PRKN: variants seen among roughly 807,000 people sequenced by gnomAD.
The protein encoded by PRKN is parkin RBR E3 ubiquitin protein ligase, also known as E3 ubiquitin-protein ligase parkin.
A neutral mutation model predicts 59.5 loss-of-function variants in PRKN; 56 were observed. The observed-to-expected ratio is 0.94, with a 90% confidence interval of 0.76 to 1.18. The LOEUF (loss-of-function observed/expected upper bound fraction) is 1.18, where lower values mean the gene tolerates loss of function less well. PRKN is among the 50% of genes most tolerant of loss of function. The probability of loss-of-function intolerance (pLI) is 0.00; values close to 1 mark genes in which losing one functional copy is unlikely to be tolerated. For missense variants in PRKN, 657 were observed against 596.4 expected (o/e 1.10, Z -1.06); for synonymous variants, 250 against 222.1 (o/e 1.13, Z -1.12).
intron 7 of PRKN, among the ~76,000 whole-genome samples, chr6:161,624,312 T>G (rs1199181674): frequency 6.6e-6 from 1 of 152,208 alleles, no homozygotes; most frequent in Non-Finnish European, 1.5e-5. Flanking sequence ...CTTAAAACTT[T>G]CCTGAAGACA....
intron 6 of PRKN, among the ~76,000 whole-genome samples, chr6:161,818,072 T>C (rs1411291726): frequency 1.3e-5 from 2 of 152,226 alleles, no homozygotes; most frequent in Non-Finnish European, 2.9e-5. Context: ...TTTATTACTC[T>C]GACGGCACAC....
intron 6 of PRKN, among the ~76,000 whole-genome samples, chr6:161,939,899 A>ATTCTCTTTT (rs1347708840): frequency 1.3e-5 from 2 of 151,826 alleles, no homozygotes; most frequent in African/African-American, 4.8e-5. Flanking sequence ...TAATGGAGTT[A>ATTCTCTTTT]TTCTCTTTTT....
At chr6:161,959,944 G>T (rs1462293762) in intron 6 of PRKN, among the ~76,000 whole-genome samples, 3 of 152,272 alleles carry the variant, frequency 2.0e-5, no homozygotes, top group Middle Eastern at 3.4e-3. Context: ...CTGTTCTTAT[G>T]ACCTCCATCC....
At position 162,528,178 on chromosome 6, in the gene PRKN, C is replaced by T. The variant is rs956457766; in HGVS notation, c.8-84705G>A. On this transcript the variant is annotated intron_variant, in intron 1 of 11. Coordinates refer to ENST00000366898, the MANE Select transcript of PRKN (RefSeq NM_004562.3). ...TCTACTAAAAATACAAAAAATTAGC[C>T]AGGCGTGGTGGTGGGTGCCTGTAAT... is the stretch of plus-strand genomic sequence containing the variant. Among the ~76,000 whole-genome samples, 9 of 151,914 alleles carry T rather than the reference C, an allele frequency of 5.9e-5. No individual in the cohort carries two copies. In the South Asian group the frequency reaches 1.0e-3, roughly 18 times the overall value.
chr6:161,881,948 T>G (rs996636689), intron 6 of PRKN, among the ~76,000 whole-genome samples: 3 of 152,124 alleles, frequency 2.0e-5, no homozygotes, highest in African/African-American at 7.2e-5. Context: ...AGTGGGAAAC[T>G]GAAACTGCCA....
chr6:161,441,245 G>A (rs9456671), intron 9 of PRKN, among the ~76,000 whole-genome samples: 23 of 152,140 alleles, frequency 1.5e-4, no homozygotes, highest in Non-Finnish European at 2.9e-4. Context: ...ATCACTGCTC[G>A]AGCGTGAAGA....
At chr6:161,833,268 G>A (rs868180395) in intron 6 of PRKN, among the ~76,000 whole-genome samples, 6 of 152,168 alleles carry the variant, frequency 3.9e-5, no homozygotes, top group African/African-American at 7.2e-5. Flanking sequence ...TACAGTCTCC[G>A]GGTGGCCAAA....
chr6:161,754,726 G>A (rs1398571052), intron 7 of PRKN, among the ~76,000 whole-genome samples: 5 of 152,240 alleles, frequency 3.3e-5, no homozygotes, highest in South Asian at 4.1e-4. Flanking sequence ...TTGTGTAAAC[G>A]AATATTCAAT....
chr6:162,418,716 AC>A (rs1214009987), intron 2 of PRKN, among the ~76,000 whole-genome samples: 1 of 149,894 alleles, frequency 6.7e-6, no homozygotes, highest in Non-Finnish European at 1.5e-5. Flanking sequence ...GGGCAGATGG[AC>A]CCAGTGGCTG....
chr6:162,062,596 A>G (rs1304712325), intron 4 of PRKN, among the ~76,000 whole-genome samples: 1 of 152,204 alleles, frequency 6.6e-6, no homozygotes, highest in African/African-American at 2.4e-5. Flanking sequence ...ACGAAAGGCC[A>G]TGTGAAAATA....
At chr6:162,241,095 A>G (rs1038435622) in intron 3 of PRKN, among the ~76,000 whole-genome samples, 2 of 152,234 alleles carry the variant, frequency 1.3e-5, no homozygotes, top group Non-Finnish European at 2.9e-5. Flanking sequence ...ATTAAAACTT[A>G]ACAAGTTATT....
intron 9 of PRKN, among the ~76,000 whole-genome samples, chr6:161,438,897 T>C (rs746248958): frequency 5.9e-5 from 9 of 152,156 alleles, no homozygotes; most frequent in Non-Finnish European, 1.0e-4. Context: ...TTAAGAAATA[T>C]AAGCACATGA....
intron 6 of PRKN, among the ~76,000 whole-genome samples, chr6:161,829,896 A>C (rs1156981882): frequency 1.3e-5 from 2 of 151,862 alleles, no homozygotes; most frequent in Non-Finnish European, 2.9e-5. Context: ...AAGGATGGGA[A>C]TATAACATAT....
chr6:162,488,147 C>G (rs981375491), intron 1 of PRKN, among the ~76,000 whole-genome samples: 1 of 150,494 alleles, frequency 6.6e-6, no homozygotes, highest in Non-Finnish European at 1.5e-5. Flanking sequence ...AGTTTAAACA[C>G]CACAAAAATC....
chr6:161,722,399 C>T (rs779436652), intron 7 of PRKN, among the ~76,000 whole-genome samples: 13 of 152,236 alleles, frequency 8.5e-5, no homozygotes, highest in Non-Finnish European at 1.8e-4. Flanking sequence ...GAGTTCTCCT[C>T]CTAACACTGT....
chr6:162,372,752 A>C lies in PRKN; in HGVS notation c.171+70558T>G, dbSNP rs146728075. 4.6e-3 allele frequency among the ~76,000 whole-genome samples: 704 copies of C among 152,344 alleles called. 7 individuals are homozygous for C. Among genetic ancestry groups the C allele is most frequent in the Admixed American group, 6.9e-3 (105 of 15,298 alleles). ...AAAAATTGTAAATTACAAATAAATGAATAAATAAAATTTTTTAAAATACAG... is the reference window on the plus strand; with the variant it reads ...AAAAATTGTAAATTACAAATAAATGCATAAATAAAATTTTTTAAAATACAG... On this transcript the variant is annotated intron_variant, in intron 2 of 11. Coordinates refer to ENST00000366898, the MANE Select transcript of PRKN (RefSeq NM_004562.3).
At chr6:162,109,478 G>A (rs895674089) in intron 4 of PRKN, among the ~76,000 whole-genome samples, 1 of 152,176 alleles carries the variant, frequency 6.6e-6, no homozygotes, top group African/African-American at 2.4e-5. Flanking sequence ...TGGCCAGGAC[G>A]ATGAGGGGCA....
rs1164853656 is a variant in PRKN at position 162,569,517 on chromosome 6, AGAC to A, written c.8-126047_8-126045del. ...ATGCAGAACATGAGTATCCATACAA[AGAC>A]CACCAGCGCCTATGCAGATGGTCTG... On this transcript the variant is annotated intron_variant, in intron 1 of 11. Transcript: ENST00000366898. 5 of 705,518 alleles carry A rather than the reference AGAC, an allele frequency of 7.1e-6. No individual in the cohort carries two copies. In the East Asian group the frequency reaches 1.3e-4, roughly 19 times the overall value. 43.7% of individuals were successfully genotyped at this position (705,518 alleles called of 1,614,324 possible). A position where few individuals can be genotyped will look rare whatever the true frequency, so the allele number is the denominator to read the frequency against.
chr6:162,289,851 C>T (rs546358095), intron 2 of PRKN, among the ~76,000 whole-genome samples: 7 of 152,188 alleles, frequency 4.6e-5, no homozygotes, highest in East Asian at 1.9e-4. Context: ...TTTCAATAGC[C>T]GTGGGATCAT....
Sources: allele counts gnomAD v4.1 joint callset (sites outside exome capture counted in the v4.1 genomes callset), GRCh38; gene constraint gnomAD v4.1.1; transcripts MANE v1.5; gene names NCBI Gene and HGNC (gene_info 2026-07-23, HGNC 2026-07-21).